The following ZFYVE9 variants were observed in gnomAD, a reference collection of about 807,000 sequenced individuals.
The protein encoded by ZFYVE9 is zinc finger FYVE domain-containing protein 9.
ZFYVE9 carries 43 observed loss-of-function variants against 126.7 expected under a neutral mutation model. The observed-to-expected ratio is 0.34, with a 90% CI of 0.27 to 0.44. The LOEUF (loss-of-function observed/expected upper bound fraction) is 0.44, where lower values mean the gene tolerates loss of function less well. Among genes scored for constraint, ZFYVE9 ranks in the 20% least tolerant of loss-of-function variants. The pLI, the probability that ZFYVE9 is intolerant of heterozygous loss-of-function variation, is 1.00. For missense variants in ZFYVE9, 1,476 were observed against 1,697.0 expected (o/e 0.87, Z 2.29); for synonymous variants, 521 against 597.4 (o/e 0.87, Z 1.87).
intron 13 of ZFYVE9, among the ~76,000 whole-genome samples, chr1:52,319,368 T>C (rs918241516): frequency 6.6e-6 from 1 of 152,156 alleles, no homozygotes; most frequent in Non-Finnish European, 1.5e-5. Flanking sequence ...CTCACACCTG[T>C]AATCCTAACA....
chr1:52,288,983 C>A, intron 10 of ZFYVE9, among the ~76,000 whole-genome samples: 1 of 147,234 alleles, frequency 6.8e-6, no homozygotes, highest in African/African-American at 2.5e-5. Flanking sequence ...AATGAATGAA[C>A]CATTTGCTTG....
intron 1 of ZFYVE9, among the ~76,000 whole-genome samples, chr1:52,175,636 G>GT (rs1434407616): frequency 2.0e-5 from 3 of 151,946 alleles, no homozygotes; most frequent in African/African-American, 7.3e-5. Flanking sequence ...TCACTTTCAG[G>GT]TACACCATTC....
intron 14 of ZFYVE9, among the ~76,000 whole-genome samples, chr1:52,334,024 T>C (rs889691668): frequency 4.8e-5 from 7 of 147,146 alleles, no homozygotes; most frequent in Non-Finnish European, 8.9e-5. Flanking sequence ...ACCCAGGAGG[T>C]GGAGCTTGCA....
In ZFYVE9 at chr1:52,195,792, CT is replaced by C. The variant is rs113179670; in HGVS notation, c.-142-20565del. Reference sequence around the variant, plus strand: ...TACATGAAGTCTGTTTCAGTATAGTCTTTTTTTTTTTTCCCTCCAAGGCAGA... The same window carrying C: ...TACATGAAGTCTGTTTCAGTATAGTCTTTTTTTTTTTCCCTCCAAGGCAGA... On this transcript the variant is annotated intron_variant, in intron 1 of 18. Transcript: ENST00000287727. Among the ~76,000 whole-genome samples, 359 of 144,266 alleles carry C rather than the reference CT, an allele frequency of 2.5e-3. 2 individuals carry two copies. Among genetic ancestry groups the C allele is most frequent in the Admixed American group, 4.6e-3 (67 of 14,422 alleles). 94.6% of individuals were successfully genotyped at this position (144,266 alleles called of 152,430 possible). A position where few individuals can be genotyped will look rare whatever the true frequency, so the allele number is the denominator to read the frequency against.
At chr1:52,334,904 A>G (rs1646375499) in intron 15 of ZFYVE9, 136 bp downstream of exon 15, 5 of 769,662 alleles carry the variant, frequency 6.5e-6, no homozygotes, top group African/African-American at 5.3e-5. Flanking sequence ...TAAAACTGCC[A>G]TGAGAGTGCT....
At chr1:52,198,691 T>G (rs1487423135) in intron 1 of ZFYVE9, among the ~76,000 whole-genome samples, 2 of 152,188 alleles carry the variant, frequency 1.3e-5, no homozygotes, top group Non-Finnish European at 2.9e-5. Flanking sequence ...CAGTAGTGAT[T>G]CATAACGCTG....
intron 13 of ZFYVE9, among the ~76,000 whole-genome samples, chr1:52,308,347 A>G (rs969937704): frequency 3.5e-4 from 53 of 151,866 alleles, no homozygotes; most frequent in African/African-American, 1.1e-3. Flanking sequence ...CACCCAGCTA[A>G]TTTTTGTATT....
At chr1:52,245,322 T>A (rs1307287186) in intron 4 of ZFYVE9, among the ~76,000 whole-genome samples, 1 of 151,300 alleles carries the variant, frequency 6.6e-6, no homozygotes, top group Non-Finnish European at 1.5e-5. Context: ...TTACTGTAGA[T>A]GACTTAAAGA....
chr1:52,281,553 A>T, intron 9 of ZFYVE9, 108 bp from the exon 10 acceptor site: 1 of 1,241,394 alleles, frequency 8.1e-7, no homozygotes, highest in South Asian at 1.4e-5. Context: ...ACTCAGTGTG[A>T]TCTATTTTAA....
chr1:52,213,617 A>G (rs1572105235), intron 1 of ZFYVE9, among the ~76,000 whole-genome samples: 1 of 151,876 alleles, frequency 6.6e-6, no homozygotes, highest in South Asian at 2.1e-4. Flanking sequence ...GTGTCACTGC[A>G]CTCCAGCCTG....
chr1:52,288,624 A>C (rs1645886533), intron 10 of ZFYVE9, among the ~76,000 whole-genome samples: 1 of 152,212 alleles, frequency 6.6e-6, no homozygotes, highest in Admixed American at 6.5e-5. Context: ...ATTACCACTT[A>C]GAAATTTATT....
At position 52,239,331 on chromosome 1, in the gene ZFYVE9, C is replaced by T. The variant is rs1284245629; in HGVS notation, c.1914C>T (p.Asn638=). ...ATGTATGCAGTCCATCTTTGGGAAA[C>T]ATCTCTAATGTCGATACAAATGGGG... is the stretch of plus-strand genomic sequence containing the variant. ...ATNVCSPSLG[N]ISNVDTNGEH... The change falls in exon 4 of 19, where the codon AAC becomes AAT. Residue 638 remains asparagine, a synonymous_variant. Coordinates refer to ENST00000287727, the MANE Select transcript of ZFYVE9 (RefSeq NM_004799.4). The T allele has an allele frequency of 2.5e-6, 4 of 1,614,208 alleles. No individual in the cohort carries two copies. The South Asian group carries it at 4.4e-5, about 18-fold the overall frequency.
chr1:52,148,057 G>A (rs1644320581), intron 1 of ZFYVE9, among the ~76,000 whole-genome samples: 1 of 151,908 alleles, frequency 6.6e-6, no homozygotes, highest in Non-Finnish European at 1.5e-5. Context: ...TGGGATTACA[G>A]GCATGAGCCA....
At chr1:52,253,459 TGATA>T (rs749819084) in intron 4 of ZFYVE9, among the ~76,000 whole-genome samples, 4 of 152,110 alleles carry the variant, frequency 2.6e-5, no homozygotes, top group Non-Finnish European at 4.4e-5. Context: ...GTTGATAGTA[TGATA>T]GATAGTGAAA....
intron 1 of ZFYVE9, among the ~76,000 whole-genome samples, chr1:52,192,737 G>GA (rs1491282838): frequency 6.5e-5 from 6 of 91,888 alleles, no homozygotes; most frequent in Non-Finnish European, 1.9e-4. Context: ...CATCATAACA[G>GA]AAAAAAATGG....
chr1:52,156,724 A>G (rs950881671), intron 1 of ZFYVE9, among the ~76,000 whole-genome samples: 2 of 152,232 alleles, frequency 1.3e-5, no homozygotes, highest in African/African-American at 4.8e-5. Context: ...TTCTACTGCT[A>G]TAATAGGGCC....
At chr1:52,219,354 G>A (rs538414227) in intron 2 of ZFYVE9, among the ~76,000 whole-genome samples, 2 of 152,098 alleles carry the variant, frequency 1.3e-5, no homozygotes, top group South Asian at 4.2e-4. Context: ...TAGTTTGGAG[G>A]GTATTGATCC....
intron 10 of ZFYVE9, among the ~76,000 whole-genome samples, chr1:52,290,264 T>C (rs1051645767): frequency 6.6e-6 from 1 of 152,192 alleles, no homozygotes; most frequent in African/African-American, 2.4e-5. Flanking sequence ...CGTGAGGGCA[T>C]GTGTATAAGG....
intron 1 of ZFYVE9, among the ~76,000 whole-genome samples, chr1:52,208,800 T>C (rs1645000750): frequency 6.6e-6 from 1 of 152,208 alleles, no homozygotes; most frequent in South Asian, 2.1e-4. Flanking sequence ...CCCAAATTGT[T>C]GGGATTACAG....
Sources: gnomAD v4.1 joint callset for allele counts (sites outside exome capture counted in the v4.1 genomes callset) on GRCh38, gnomAD v4.1.1 for gene constraint, MANE v1.5 for transcripts, NCBI Gene and HGNC (gene_info 2026-07-23, HGNC 2026-07-21) for gene names.